Variants in ZMYM4 observed in about 807,000 individuals in gnomAD.
The protein encoded by ZMYM4 is zinc finger MYM-type containing 4, also known as zinc finger MYM-type protein 4.
Under a neutral mutation model 183.2 loss-of-function variants are expected in ZMYM4, and 31 were observed. That is an observed-to-expected ratio of 0.17 (90% CI 0.13 to 0.23). The LOEUF (loss-of-function observed/expected upper bound fraction) is 0.23, where lower values mean the gene tolerates loss of function less well. ZMYM4 is among the 10% of genes least tolerant of loss of function. The pLI is 1.00. For missense variants in ZMYM4, 1,273 were observed against 1,840.3 expected, an observed-to-expected ratio of 0.69 and a Z score of 5.64; for synonymous variants, 592 against 631.2, an observed-to-expected ratio of 0.94 and a Z score of 0.93.
chr1:35,357,530 T>C (rs976824156), intron 2 of ZMYM4, among the ~76,000 whole-genome samples: 2 of 152,160 alleles, frequency 1.3e-5, no homozygotes, highest in Non-Finnish European at 2.9e-5. Flanking sequence ...TATTGTAGAA[T>C]CCAGGAGGAG....
intron 23 of ZMYM4, among the ~76,000 whole-genome samples, chr1:35,401,098 TC>T (rs570062503): frequency 2.0e-5 from 3 of 152,198 alleles, no homozygotes; most frequent in Non-Finnish European, 4.4e-5. Context: ...TTAGTATCAA[TC>T]TTTGTGTGAA....
intron 1 of ZMYM4, among the ~76,000 whole-genome samples, chr1:35,307,984 C>T (rs1488862838): frequency 3.3e-5 from 5 of 150,562 alleles, no homozygotes; most frequent in African/African-American, 7.3e-5. Flanking sequence ...CGCCTGCCAC[C>T]GCACCCGGCT....
rs760649471 is a variant in ZMYM4 at position 35,405,438 on chromosome 1, T to C, written c.3766T>C (p.Ser1256Pro). ...AGGAAGTACTCAAGACCATGCACTC[T>C]CTCAAGAATCCTCAGAGCCAGGCTG... ...PLGSTQDHAL[S>P]QESSEPGCRV... is the part of the protein sequence containing the mutation. The change falls in exon 25 of 30, where the codon TCT becomes CCT. Residue 1256 changes from serine to proline, a missense_variant. Around this residue, in one of 6 missense-constraint regions of ZMYM4, gnomAD observed 133 missense variants for 155.7 expected, o/e 0.85. Coordinates refer to ENST00000314607, the MANE Select transcript of ZMYM4 (RefSeq NM_005095.3). The C allele has an allele frequency of 6.2e-7, 1 of 1,612,372 alleles. No homozygotes were observed. Among genetic ancestry groups the C allele is most frequent in the African/African-American group, 1.3e-5 (1 of 74,966 alleles).
At chr1:35,373,690 G>C (rs1018741468) in intron 7 of ZMYM4, among the ~76,000 whole-genome samples, 5 of 151,664 alleles carry the variant, frequency 3.3e-5, no homozygotes, top group Non-Finnish European at 7.4e-5. Flanking sequence ...ACCGCGCCCG[G>C]CCCTGCACGG....
At chr1:35,383,008 T>G (rs2148969545) in intron 9 of ZMYM4, among the ~76,000 whole-genome samples, 1 of 152,294 alleles carries the variant, frequency 6.6e-6, no homozygotes, top group African/African-American at 2.4e-5. Context: ...AATTATATCA[T>G]TAATTGTTAC....
intron 20 of ZMYM4, among the ~76,000 whole-genome samples, chr1:35,397,762 T>C (rs1644835728): frequency 6.6e-6 from 1 of 152,208 alleles, no homozygotes; most frequent in Admixed American, 6.5e-5. Context: ...TTTTTAGTTA[T>C]GATTCCAGAA....
At chr1:35,350,014 G>T (rs1643542144) in intron 2 of ZMYM4, among the ~76,000 whole-genome samples, 1 of 150,408 alleles carries the variant, frequency 6.6e-6, no homozygotes, top group South Asian at 2.1e-4. Flanking sequence ...CCCAGGCTGG[G>T]TTCAGTGGCG....
intron 1 of ZMYM4, among the ~76,000 whole-genome samples, chr1:35,290,349 T>A (rs1258389348): frequency 6.6e-6 from 1 of 152,250 alleles, no homozygotes; most frequent in Non-Finnish European, 1.5e-5. Flanking sequence ...TTAGCATATT[T>A]CTTTCTAGGA....
intron 1 of ZMYM4, among the ~76,000 whole-genome samples, chr1:35,297,619 C>T (rs534587272): frequency 3.9e-5 from 6 of 152,316 alleles, no homozygotes; most frequent in Middle Eastern, 3.4e-3. Flanking sequence ...GAATTCATCT[C>T]ACATAACAGA....
intron 18 of ZMYM4, among the ~76,000 whole-genome samples, chr1:35,396,121 CT>C (rs963148287): frequency 1.3e-5 from 2 of 152,018 alleles, no homozygotes; most frequent in African/African-American, 4.8e-5. Flanking sequence ...CCAAATTAAT[CT>C]TTTTTGATGT....
At position 35,297,368 on chromosome 1, in the gene ZMYM4, C is replaced by G. The variant is rs184298735; in HGVS notation, c.40-27992C>G. ...ATGAGCCAGGCATTTTGGCTTACAC[C>G]TGAGGGTGAGATGGGAGGATGGTTT... On this transcript the variant is annotated intron_variant, in intron 1 of 29. Coordinates refer to ENST00000314607, the MANE Select transcript of ZMYM4 (RefSeq NM_005095.3). Among the ~76,000 whole-genome samples, 200 of 151,672 alleles carry G rather than the reference C, an allele frequency of 1.3e-3. 1 individual carries two copies. The highest frequency in any genetic ancestry group is 4.6e-3 in the African/African-American group (190 of 41,326).
At chr1:35,388,791 C>G in intron 13 of ZMYM4, 119 bp from the exon 14 acceptor site, 1 of 885,042 alleles carries the variant, frequency 1.1e-6, no homozygotes, top group Non-Finnish European at 1.7e-6. Flanking sequence ...TCCCGCCAGC[C>G]TCCCAAAGTG....
At chr1:35,362,968 C>T (rs1643977793) in intron 5 of ZMYM4, among the ~76,000 whole-genome samples, 3 of 152,172 alleles carry the variant, frequency 2.0e-5, no homozygotes. Flanking sequence ...GTCAGGAGTT[C>T]CAGACCACCC....
At chr1:35,411,640 C>T (rs1225936160) in intron 26 of ZMYM4, among the ~76,000 whole-genome samples, 6 of 152,260 alleles carry the variant, frequency 3.9e-5, no homozygotes, top group Non-Finnish European at 7.4e-5. Context: ...AGAAAAAGGT[C>T]ATTGGATTTT....
chr1:35,418,501 G>A lies in ZMYM4; in HGVS notation c.4368G>A (p.Val1456=). The change falls in exon 29 of 30, where the codon GTG becomes GTA. Residue 1456 remains valine (V), a synonymous_variant. Coordinates refer to ENST00000314607, the MANE Select transcript of ZMYM4 (RefSeq NM_005095.3). ...AAGATGATGAGGTTCCAGTGGGGGT[G>A]GAGATGGCAGAGAATACTGACAATC... ...RNEDDEVPVG[V]EMAENTDNPL... 1 of 1,614,084 alleles carries A rather than the reference G, an allele frequency of 6.2e-7. No individual in the cohort carries two copies. The highest frequency in any genetic ancestry group is 8.5e-7 in the Non-Finnish European group (1 of 1,179,978).
At chr1:35,350,991 C>G in intron 2 of ZMYM4, 1 of 834,308 alleles carries the variant, frequency 1.2e-6, no homozygotes, top group Non-Finnish European at 1.9e-6. Context: ...GAAGGTTGGC[C>G]TGACAAATTA....
intron 26 of ZMYM4, among the ~76,000 whole-genome samples, chr1:35,409,737 C>T (rs899530636): frequency 1.3e-5 from 2 of 151,914 alleles, no homozygotes; most frequent in African/African-American, 4.8e-5. Context: ...GTCAGGAGTT[C>T]GAGACCAGCC....
At position 35,387,205 on chromosome 1, in the gene ZMYM4, G is replaced by A. The variant is rs975937182; in HGVS notation, c.2039G>A (p.Arg680Gln). The A allele has an allele frequency of 4.3e-6, 7 of 1,614,070 alleles. No homozygotes were observed. The Admixed American group carries it at 5.0e-5, about 12-fold the overall frequency. Residue 680 changes from arginine to glutamine, a missense_variant, in exon 12 of 30, where the codon CGA becomes CAA. Around this residue, in one of 6 missense-constraint regions of ZMYM4, gnomAD observed 319 missense variants for 518.1 expected, o/e 0.62. Transcript: ENST00000314607. ...CAGTCCCAGCATGTTGGGTTTGCAC[G>A]AAGTGTTGTGAAACTCAAATGTCAA... ...AAQSQHVGFA[R>Q]SVVKLKCQHC...
At chr1:35,339,840 A>G (rs1643130877) in intron 2 of ZMYM4, among the ~76,000 whole-genome samples, 1 of 152,232 alleles carries the variant, frequency 6.6e-6, no homozygotes, top group South Asian at 2.1e-4. Context: ...CTTACTCACC[A>G]GCATCTATCA....
Sources: allele counts gnomAD v4.1 joint callset (sites outside exome capture counted in the v4.1 genomes callset), GRCh38; gene constraint gnomAD v4.1.1; regional missense constraint gnomAD v4.1.1; transcripts MANE v1.5; gene names NCBI Gene and HGNC (gene_info 2026-07-23, HGNC 2026-07-21).